The following SPAG17 variants were observed in gnomAD, a reference collection of about 807,000 sequenced individuals.
The protein encoded by SPAG17 is sperm associated antigen 17.
Under a neutral mutation model 273.6 loss-of-function variants are expected in SPAG17, and 169 were observed. The observed-to-expected ratio is 0.62, with a 90% CI of 0.55 to 0.70. SPAG17 has a LOEUF of 0.70. Ranked by LOEUF, SPAG17 falls within the 30% of genes least tolerant of loss-of-function variation. The pLI, the probability that SPAG17 is intolerant of heterozygous loss-of-function variation, is 0.00. For missense variants in SPAG17, 2,557 were observed against 2,627.8 expected (o/e 0.97, Z 0.59); for synonymous variants, 825 against 873.2 (o/e 0.94, Z 0.97).
At chr1:118,072,419 A>T (rs1653689536) in intron 17 of SPAG17, among the ~76,000 whole-genome samples, 1 of 152,216 alleles carries the variant, frequency 6.6e-6, no homozygotes, top group African/African-American at 2.4e-5. Context: ...TGTGGCCCGG[A>T]TGACGGTAAA....
intron 46 of SPAG17, 108 bp downstream of exon 46, chr1:117,969,948 G>C: frequency 1.0e-6 from 1 of 979,198 alleles, no homozygotes; most frequent in South Asian, 1.5e-5. Context: ...CTTATACATA[G>C]TTTAAAAGGA....
chr1:118,145,390 G>T (rs938285339), intron 3 of SPAG17, among the ~76,000 whole-genome samples: 3 of 152,124 alleles, frequency 2.0e-5, no homozygotes, highest in Non-Finnish European at 4.4e-5. Flanking sequence ...TGTTGGAAAA[G>T]ACCTGAGAAA....
At chr1:118,174,410 T>C (rs1660581271) in intron 1 of SPAG17, among the ~76,000 whole-genome samples, 1 of 151,964 alleles carries the variant, frequency 6.6e-6, no homozygotes, top group Non-Finnish European at 1.5e-5. Flanking sequence ...GACAGACCAT[T>C]TGAAATTATA....
chr1:118,096,924 G>C (rs548742288), intron 7 of SPAG17, among the ~76,000 whole-genome samples: 1 of 152,130 alleles, frequency 6.6e-6, no homozygotes, highest in South Asian at 2.1e-4. Context: ...AGACCTTCTT[G>C]GCCAAATATA....
chr1:117,989,353 G>C (rs1334875155), intron 38 of SPAG17, among the ~76,000 whole-genome samples: 1 of 152,014 alleles, frequency 6.6e-6, no homozygotes, highest in African/African-American at 2.4e-5. Context: ...GGGGGAAGGG[G>C]AGCCGGCATG....
At chr1:118,062,315 C>T (rs1346515830) in intron 18 of SPAG17, among the ~76,000 whole-genome samples, 3 of 136,468 alleles carry the variant, frequency 2.2e-5, no homozygotes, top group Non-Finnish European at 3.1e-5. Context: ...TGCAGTGAGC[C>T]GAGATCCCGC....
At chr1:117,984,512 T>C (rs1181399888) in intron 41 of SPAG17, among the ~76,000 whole-genome samples, 171 bp downstream of exon 41, 1 of 152,210 alleles carries the variant, frequency 6.6e-6, no homozygotes, top group Non-Finnish European at 1.5e-5. Context: ...AAATTAGTCT[T>C]CCTTATCACA....
chr1:118,085,180 T>A (rs1162842715), intron 13 of SPAG17, among the ~76,000 whole-genome samples: 1 of 152,156 alleles, frequency 6.6e-6, no homozygotes, highest in Non-Finnish European at 1.5e-5. Context: ...ATTCAGATTA[T>A]CTCGATCCTC....
chr1:118,106,983 G>A (rs1474029865), intron 4 of SPAG17, among the ~76,000 whole-genome samples: 7 of 152,154 alleles, frequency 4.6e-5, no homozygotes, highest in Admixed American at 3.3e-4. Context: ...GGATTCTGCA[G>A]AAAGGAGGGC....
chr1:118,083,451 G>A (rs1654748867), intron 13 of SPAG17, among the ~76,000 whole-genome samples: 1 of 152,096 alleles, frequency 6.6e-6, no homozygotes. Flanking sequence ...GGGCTGGGAT[G>A]GTAGTGAGGA....
chr1:118,180,637 A>G (rs544427819), intron 1 of SPAG17, among the ~76,000 whole-genome samples: 1 of 152,200 alleles, frequency 6.6e-6, no homozygotes, highest in South Asian at 2.1e-4. Context: ...AAAGTGATGA[A>G]TATCCTACTT....
intron 18 of SPAG17, among the ~76,000 whole-genome samples, chr1:118,056,840 C>T (rs964789656): frequency 1.2e-4 from 18 of 152,128 alleles, no homozygotes; most frequent in Non-Finnish European, 2.1e-4. Flanking sequence ...CAACATGTCC[C>T]CAAATGAACT....
At chr1:118,046,015 A>C (rs1223235617) in intron 20 of SPAG17, among the ~76,000 whole-genome samples, 1 of 152,196 alleles carries the variant, frequency 6.6e-6, no homozygotes, top group Non-Finnish European at 1.5e-5. Context: ...GCACGGAGAC[A>C]AAGTTAAAAC....
chr1:117,993,246 G>T (rs546028490), intron 35 of SPAG17, among the ~76,000 whole-genome samples: 17 of 152,272 alleles, frequency 1.1e-4, no homozygotes, highest in South Asian at 6.2e-4. Context: ...CAGGTGTGCT[G>T]GATGTGCTTC....
intron 20 of SPAG17, among the ~76,000 whole-genome samples, chr1:118,050,514 T>C (rs1361765249): frequency 1.3e-5 from 2 of 152,266 alleles, no homozygotes; most frequent in East Asian, 1.9e-4. Context: ...TATAAAGCTA[T>C]GCTAATCAAG....
intron 45 of SPAG17, among the ~76,000 whole-genome samples, chr1:117,970,947 T>A (rs1654481602): frequency 6.6e-6 from 1 of 152,182 alleles, no homozygotes; most frequent in Admixed American, 6.5e-5. Context: ...GAGTTCCACA[T>A]CAGATTGTTT....
At chr1:117,996,337 C>CT in intron 34 of SPAG17, 33 bp downstream of exon 34, 5 of 1,575,734 alleles carry the variant, frequency 3.2e-6, no homozygotes, top group Non-Finnish European at 4.3e-6. Context: ...GGCAAAGAGA[C>CT]ACCGTGCATT....
intron 17 of SPAG17, 90 bp downstream of exon 17, chr1:118,073,764 G>A (rs1653833062): frequency 2.5e-6 from 2 of 811,458 alleles, no homozygotes; most frequent in Admixed American, 2.9e-5. Context: ...CTAGATCTGA[G>A]AGAATGACCT....
rs754752491 is a variant in SPAG17, at chr1:117,996,377, T to C, written c.5046A>G (p.Glu1682=). The C allele has an allele frequency of 6.2e-7, 1 of 1,611,794 alleles. No homozygotes were observed. The highest frequency in any genetic ancestry group is 1.3e-5 in the African/African-American group (1 of 74,796). Residue 1682 remains glutamate (E), a synonymous_variant, in exon 34 of 49, where the codon GAA becomes GAG. Coordinates refer to ENST00000336338, the MANE Select transcript of SPAG17 (RefSeq NM_206996.4). ...ACAGTATGGGTCCTCTACCTGGCTGTTCCTGCACTGGCTCTTGGAGAACAA... is the reference window on the plus strand; with the variant it reads ...ACAGTATGGGTCCTCTACCTGGCTGCTCCTGCACTGGCTCTTGGAGAACAA... ...NTVVLQEPVQ[E]QPGTLTITVL...
Sources: allele counts gnomAD v4.1 joint callset (sites outside exome capture counted in the v4.1 genomes callset), GRCh38; gene constraint gnomAD v4.1.1; transcripts MANE v1.5; gene names NCBI Gene and HGNC (gene_info 2026-07-23, HGNC 2026-07-21).